Variants in NNMT observed in about 807,000 individuals in gnomAD.
NNMT encodes nicotinamide N-methyltransferase.
Under a neutral mutation model 11.7 loss-of-function variants are expected in NNMT, and 10 were observed. The observed-to-expected ratio is 0.85, with a 90% confidence interval of 0.53 to 1.45. The LOEUF (loss-of-function observed/expected upper bound fraction) is 1.45, where lower values mean the gene tolerates loss of function less well. NNMT is among the 40% of genes most tolerant of loss of function. The pLI is 0.00. For synonymous variants in NNMT, 143 were observed against 133.8 expected (o/e 1.07, Z -0.48); for missense variants, 381 against 319.4 (o/e 1.19, Z -1.47).
At chr11:114,268,245 T>A (rs1019948007) in intron 2 of NNMT, among the ~76,000 whole-genome samples, 2 of 152,232 alleles carry the variant, frequency 1.3e-5, no homozygotes, top group African/African-American at 4.8e-5. Context: ...GGGTCCCTAG[T>A]GTGACAACTG....
intron 2 of NNMT, among the ~76,000 whole-genome samples, chr11:114,287,320 C>T (rs953928894): frequency 4.6e-5 from 7 of 152,112 alleles, no homozygotes; most frequent in Admixed American, 1.3e-4. Context: ...GTTATCTGCA[C>T]CCAAGGTCAT....
rs571023453 is a variant in NNMT at position 114,303,065 on chromosome 11, AAACT to A, written c.362+4914_362+4917del. ...CTATGGTATTCTGTTACAGGAGCCC[AAACT>A]AACTAAGGCTATATTATGCATATAT... On this transcript the variant is annotated intron_variant, in intron 2 of 2. Coordinates refer to ENST00000299964, the MANE Select transcript of NNMT (RefSeq NM_006169.3). 3.3e-4 allele frequency among the ~76,000 whole-genome samples: 51 copies of A among 152,332 alleles called. No individual in the cohort carries two copies. In the South Asian group the frequency reaches 0.01, roughly 30 times the overall value.
At chr11:114,309,989 A>C (rs1024259883) in intron 2 of NNMT, among the ~76,000 whole-genome samples, 1 of 152,192 alleles carries the variant, frequency 6.6e-6, no homozygotes, top group Non-Finnish European at 1.5e-5. Context: ...ATAATATTCC[A>C]TTATATGTAT....
chr11:114,281,053 A>T (rs1484813949), intron 2 of NNMT, among the ~76,000 whole-genome samples: 1 of 152,200 alleles, frequency 6.6e-6, no homozygotes, highest in African/African-American at 2.4e-5. Flanking sequence ...CTGCTGGCCC[A>T]GGGTCCCACT....
chr11:114,290,118 G>A (rs1945324948), intron 2 of NNMT, among the ~76,000 whole-genome samples: 1 of 152,190 alleles, frequency 6.6e-6, no homozygotes, highest in Non-Finnish European at 1.5e-5. Flanking sequence ...TATGTTGAGC[G>A]TTAGGATTTT....
chr11:114,284,391 A>G lies in NNMT; in HGVS notation c.-129-12037A>G, dbSNP rs560332398. ...TGGAAACTGGTCCTGGCTGAGGCTC[A>G]GGAATTGCTTTCCTTTCCAAGTAGT... is the stretch of plus-strand genomic sequence containing the variant. On this transcript the variant is annotated intron_variant, in intron 2 of 4. Coordinates refer to the NNMT transcript ENST00000535401. Among the ~76,000 whole-genome samples, 5 of 152,338 alleles carry G rather than the reference A, an allele frequency of 3.3e-5. No homozygotes were observed. In the East Asian group the frequency reaches 5.8e-4, roughly 18 times the overall value.
At chr11:114,272,745 C>T (rs1301176778) in intron 2 of NNMT, among the ~76,000 whole-genome samples, 1 of 152,158 alleles carries the variant, frequency 6.6e-6, no homozygotes, top group Admixed American at 6.5e-5. Context: ...TCCAGATTTG[C>T]TCCTAGGGAA....
chr11:114,263,284 GT>G (rs1945097409), intron 2 of NNMT, among the ~76,000 whole-genome samples: 1 of 152,154 alleles, frequency 6.6e-6, no homozygotes, highest in Non-Finnish European at 1.5e-5. Flanking sequence ...GAGAAAAAAA[GT>G]TAATTTTTAC....
In NNMT at chr11:114,312,779, C is replaced by A. The variant is rs565518284; in HGVS notation, c.*302C>A. The A allele has an allele frequency of 3.1e-4, 106 of 343,142 alleles. 1 individual carries two copies. Among genetic ancestry groups the A allele is most frequent in the African/African-American group, 2.1e-3 (105 of 49,290 alleles). 21.3% of individuals were successfully genotyped at this position (343,142 alleles called of 1,614,324 possible). On this transcript the variant is annotated 3_prime_UTR_variant, in exon 3 of 3. Transcript: ENST00000299964. ...CTAGTTATGGCGGCTCAAGCCCGTA[C>A]CTGCCTACAGAGAAGTGTCTGCAGT...
At chr11:114,304,214 C>A (rs1361434437) in intron 2 of NNMT, among the ~76,000 whole-genome samples, 1 of 152,178 alleles carries the variant, frequency 6.6e-6, no homozygotes, top group Non-Finnish European at 1.5e-5. Context: ...CACTGTTAGA[C>A]AACACACCTT....
rs1024064641 is a variant in NNMT at position 114,289,400 on chromosome 11, C to T, written c.-129-7028C>T. 3.3e-5 allele frequency among the ~76,000 whole-genome samples: 5 copies of T among 152,260 alleles called. No homozygotes were observed. The East Asian group carries it at 9.6e-4, about 29-fold the overall frequency. On this transcript the variant is annotated intron_variant, in intron 2 of 4. Coordinates refer to the NNMT transcript ENST00000535401. Reference sequence around the variant, plus strand: ...CTTTTGTGCTCTGCAGGATTCTCTTCTTTCTACTTTTGTCTATTTTGCTGC... The same window carrying T: ...CTTTTGTGCTCTGCAGGATTCTCTTTTTTCTACTTTTGTCTATTTTGCTGC...
At chr11:114,294,148 G>C (rs998482075), upstream of NNMT, among the ~76,000 whole-genome samples, 10 of 152,078 alleles carry the variant, frequency 6.6e-5, no homozygotes, top group African/African-American at 2.4e-4. Context: ...GAAGGGTAGC[G>C]AGGTGGGTAG....
intron 2 of NNMT, among the ~76,000 whole-genome samples, chr11:114,284,201 C>G (rs919200207): frequency 2.0e-5 from 3 of 152,228 alleles, no homozygotes; most frequent in Admixed American, 2.0e-4. Flanking sequence ...TCCAGCCTCT[C>G]TGTGCCAGGC....
At chr11:114,298,555 G>A (rs1391372976) in intron 2 of NNMT, among the ~76,000 whole-genome samples, 1 of 152,122 alleles carries the variant, frequency 6.6e-6, no homozygotes, top group East Asian at 1.9e-4. Context: ...CTTGTCCCTT[G>A]CCTCACTGCC....
At chr11:114,285,979 C>G (rs1175010225) in intron 2 of NNMT, among the ~76,000 whole-genome samples, 1 of 152,170 alleles carries the variant, frequency 6.6e-6, no homozygotes, top group Non-Finnish European at 1.5e-5. Context: ...ATCTGAGGCA[C>G]AGAAGGACTT....
chr11:114,287,950 C>T lies in NNMT; in HGVS notation c.-129-8478C>T, dbSNP rs1170623626. Among the ~76,000 whole-genome samples, 4 of 152,114 alleles carry T rather than the reference C, an allele frequency of 2.6e-5. 1 individual carries two copies. The highest frequency in any genetic ancestry group is 2.0e-4 in the Admixed American group (3 of 15,270). Reference sequence around the variant, plus strand: ...TTATTTTCTCCATTAATGTCTTATACATAGTTTGCTGGATTTATTCTTAGG... The same window carrying T: ...TTATTTTCTCCATTAATGTCTTATATATAGTTTGCTGGATTTATTCTTAGG... On this transcript the variant is annotated intron_variant, in intron 2 of 4. Transcript: ENST00000535401.
intron 2 of NNMT, among the ~76,000 whole-genome samples, chr11:114,264,123 G>A (rs901528450): frequency 3.9e-5 from 6 of 151,932 alleles, no homozygotes; most frequent in African/African-American, 1.5e-4. Flanking sequence ...TTGCTCCTGT[G>A]CTTGTCTTCT....
At chr11:114,290,135 T>G (rs1271119118) in intron 2 of NNMT, among the ~76,000 whole-genome samples, 1 of 152,246 alleles carries the variant, frequency 6.6e-6, no homozygotes, top group South Asian at 2.1e-4. Context: ...TTTTAACATA[T>G]GAATTTGATG....
intron 2 of NNMT, among the ~76,000 whole-genome samples, chr11:114,282,060 C>G (rs1945266764): frequency 6.6e-6 from 1 of 152,068 alleles, no homozygotes; most frequent in African/African-American, 2.4e-5. Context: ...GATCTCCACT[C>G]TACTAGAAAT....
Sources: gnomAD v4.1 joint callset for allele counts (sites outside exome capture counted in the v4.1 genomes callset) on GRCh38, gnomAD v4.1.1 for gene constraint, MANE v1.5 for transcripts, NCBI Gene and HGNC (gene_info 2026-07-23, HGNC 2026-07-21) for gene names.